NEDD4: variants seen among roughly 807,000 people sequenced by gnomAD.
NEDD4 encodes E3 ubiquitin-protein ligase NEDD4.
NEDD4 carries 99 observed loss-of-function variants against 144.9 expected under a neutral mutation model. The observed-to-expected ratio is 0.68, with a 90% CI of 0.58 to 0.81. The LOEUF is 0.81. NEDD4 is among the 30% of genes least tolerant of loss of function. The probability of loss-of-function intolerance (pLI) is 0.00; values close to 1 mark genes in which losing one functional copy is unlikely to be tolerated. For synonymous variants in NEDD4, 318 were observed against 350.6 expected (o/e 0.91, Z 1.04); for missense variants, 985 against 1,065.9 (o/e 0.92, Z 1.06).
At chr15:55,930,894 AC>A (rs1566957052) in intron 4 of NEDD4, among the ~76,000 whole-genome samples, 1 of 151,884 alleles carries the variant, frequency 6.6e-6, no homozygotes, top group Non-Finnish European at 1.5e-5. Flanking sequence ...AGTCCATTAA[AC>A]CTCTTTCCTT....
intron 5 of NEDD4, among the ~76,000 whole-genome samples, chr15:55,882,681 G>T (rs889639596): frequency 2.0e-5 from 3 of 152,176 alleles, no homozygotes; most frequent in Non-Finnish European, 4.4e-5. Context: ...GTGATCTAGT[G>T]AGACACCAGT....
At chr15:55,847,259 T>C (rs2033788161) in intron 17 of NEDD4, among the ~76,000 whole-genome samples, 2 of 152,226 alleles carry the variant, frequency 1.3e-5, no homozygotes, top group Non-Finnish European at 2.9e-5. Context: ...GTAATTTTCA[T>C]TATGCAATAT....
intron 5 of NEDD4, among the ~76,000 whole-genome samples, chr15:55,883,278 T>C (rs543580173): frequency 6.6e-6 from 1 of 151,732 alleles, no homozygotes; most frequent in Non-Finnish European, 1.5e-5. Context: ...GTGGCAGGAG[T>C]GGCCACGGAG....
At chr15:55,957,471 C>T (rs1197092115) in intron 2 of NEDD4, among the ~76,000 whole-genome samples, 2 of 152,072 alleles carry the variant, frequency 1.3e-5, no homozygotes, top group Admixed American at 1.3e-4. Context: ...TCCATCTATT[C>T]CTAGTTTGCA....
At chr15:55,855,295 G>A (rs1449907851) in intron 12 of NEDD4, among the ~76,000 whole-genome samples, 1 of 152,152 alleles carries the variant, frequency 6.6e-6, no homozygotes, top group Non-Finnish European at 1.5e-5. Flanking sequence ...CAAAGTTCCA[G>A]ATGGTTGGGG....
chr15:55,856,515 A>G (rs1411471765), intron 11 of NEDD4, among the ~76,000 whole-genome samples: 3 of 152,140 alleles, frequency 2.0e-5, no homozygotes, highest in South Asian at 2.1e-4. Context: ...TTCAAGTTTC[A>G]TCTTTTGTCA....
At position 55,977,200 on chromosome 15, in the gene NEDD4, T is replaced by C. The variant is rs756399062; in HGVS notation, c.46-10654A>G. 2.6e-5 allele frequency among the ~76,000 whole-genome samples: 4 copies of C among 152,234 alleles called. No homozygotes were observed. The South Asian group carries it at 8.3e-4, about 31-fold the overall frequency. ...TGCAGAATGATATTTTGGCCAATGA[T>C]GGACAGCATATATGATGGTGGTCCC... On this transcript the variant is annotated intron_variant, in intron 1 of 28. Transcript: ENST00000435532.
At chr15:55,872,183 T>C (rs143450184) in intron 7 of NEDD4, among the ~76,000 whole-genome samples, 2 of 152,124 alleles carry the variant, frequency 1.3e-5, no homozygotes, top group East Asian at 3.9e-4. Context: ...AACGAATCTT[T>C]CCCAAAAGGC....
intron 2 of NEDD4, among the ~76,000 whole-genome samples, chr15:55,956,216 G>C (rs1378917963): frequency 1.3e-5 from 2 of 152,076 alleles, no homozygotes; most frequent in East Asian, 1.9e-4. Flanking sequence ...TGGACATTTA[G>C]GTTGTTTCCA....
intron 5 of NEDD4, among the ~76,000 whole-genome samples, chr15:55,900,653 C>A (rs2035885161): frequency 6.6e-6 from 1 of 151,810 alleles, no homozygotes; most frequent in African/African-American, 2.4e-5. Flanking sequence ...TTATAAAAGC[C>A]CTATCAGACC....
chr15:55,991,313 G>A (rs8035281), intron 1 of NEDD4, among the ~76,000 whole-genome samples: 23,598 of 152,114 alleles, frequency 0.16, 3,436 homozygotes, highest in East Asian at 0.44. Flanking sequence ...GAGGATGGGG[G>A]AGTGTGGTTT....
intron 4 of NEDD4, among the ~76,000 whole-genome samples, chr15:55,931,818 A>G (rs1178702418): frequency 6.6e-6 from 1 of 152,224 alleles, no homozygotes; most frequent in African/African-American, 2.4e-5. Context: ...ATGGTTTTTA[A>G]TATATTCAGA....
intron 1 of NEDD4, among the ~76,000 whole-genome samples, chr15:55,983,286 G>GT (rs2037833599): frequency 6.9e-6 from 1 of 144,114 alleles, no homozygotes. Flanking sequence ...GACGACAATG[G>GT]TGTGTGTGTG....
intron 2 of NEDD4, among the ~76,000 whole-genome samples, chr15:55,954,372 T>G (rs1427632358): frequency 1.3e-5 from 2 of 152,180 alleles, no homozygotes; most frequent in Non-Finnish European, 2.9e-5. Context: ...CTCTACATTT[T>G]CCCTTTCCAG....
chr15:55,848,550 G>C lies in NEDD4; in HGVS notation c.1454C>G (p.Thr485Arg). 6.2e-7 allele frequency: 1 copy of C among 1,613,322 alleles called. No homozygotes were observed. Among genetic ancestry groups the C allele is most frequent in the East Asian group, 2.2e-5 (1 of 44,876 alleles). Residue 485 changes from threonine to arginine, a missense_variant, in exon 16 of 29, where the codon ACA (threonine) becomes AGA (arginine). Transcript: ENST00000435532. ...LPPGWEERTH[T>R]DGRIFYINHN... ...ATTTATGTAGAAGATTCTTCCATCT[G>C]TGTGAGTTCTCTCTTCCCATCCTGG...
chr15:55,989,974 G>T (rs1231095269), intron 1 of NEDD4, among the ~76,000 whole-genome samples: 1 of 152,012 alleles, frequency 6.6e-6, no homozygotes, highest in Non-Finnish European at 1.5e-5. Context: ...TCTCATAAGA[G>T]CATGAACCCT....
At chr15:55,915,730 T>C (rs774110266) in intron 5 of NEDD4, 15 of 1,613,982 alleles carry the variant, frequency 9.3e-6, no homozygotes, top group Non-Finnish European at 1.3e-5. Context: ...TCAGATGACT[T>C]TTCACAGACA....
At chr15:55,988,951 A>G (rs532649636) in intron 1 of NEDD4, among the ~76,000 whole-genome samples, 7 of 152,322 alleles carry the variant, frequency 4.6e-5, no homozygotes, top group East Asian at 1.9e-4. Flanking sequence ...TAATTTTAAA[A>G]TAGGACGGGC....
rs576617510 is a variant in NEDD4, at chr15:55,861,422, G to A, written c.675-644C>T. Among the ~76,000 whole-genome samples the A allele has an allele frequency of 2.0e-4, 31 of 151,970 alleles. No individual in the cohort carries two copies. The South Asian group carries it at 4.2e-3, about 20-fold the overall frequency. On this transcript the variant is annotated intron_variant, in intron 9 of 28. Coordinates refer to ENST00000435532, the MANE Select transcript of NEDD4 (RefSeq NM_006154.4). ...AGAGGTACAATAAATCAGATTGGAC[G>A]GTTAATGAGTATTAAAAAAAACAGA...
Sources: allele counts gnomAD v4.1 joint callset (sites outside exome capture counted in the v4.1 genomes callset), GRCh38; gene constraint gnomAD v4.1.1; transcripts MANE v1.5; gene names NCBI Gene and HGNC (gene_info 2026-07-23, HGNC 2026-07-21).